ELMO1: variants seen among roughly 807,000 people sequenced by gnomAD.
The protein encoded by ELMO1 is engulfment and cell motility 1.
Under a neutral mutation model 98.9 loss-of-function variants are expected in ELMO1, and 26 were observed. That is an observed-to-expected ratio of 0.26 (90% CI 0.19 to 0.36). ELMO1 has a LOEUF of 0.36. Ranked by LOEUF, ELMO1 falls within the 10% of genes least tolerant of loss-of-function variation. The probability of loss-of-function intolerance (pLI) is 1.00; values close to 1 mark genes in which losing one functional copy is unlikely to be tolerated. For synonymous variants in ELMO1, 346 were observed against 346.0 expected (o/e 1.00, Z 0.00); for missense variants, 627 against 935.2 (o/e 0.67, Z 4.30).
At chr7:37,103,933 C>T (rs1384509141) in intron 14 of ELMO1, among the ~76,000 whole-genome samples, 1 of 143,604 alleles carries the variant, frequency 7.0e-6, no homozygotes, top group East Asian at 2.1e-4. Context: ...ATGGCATGAA[C>T]CCGCGAGGCG....
chr7:36,955,295 T>C (rs1788351955), intron 16 of ELMO1, among the ~76,000 whole-genome samples: 1 of 152,220 alleles, frequency 6.6e-6, no homozygotes, highest in Non-Finnish European at 1.5e-5. Flanking sequence ...GCTGCTTCTT[T>C]TTCTACCCTA....
chr7:37,113,743 T>G (rs1390708586), intron 14 of ELMO1, among the ~76,000 whole-genome samples: 1 of 152,172 alleles, frequency 6.6e-6, no homozygotes, highest in Admixed American at 6.5e-5. Context: ...TAAAATCAAA[T>G]GAGGCCATTA....
chr7:36,943,643 G>A (rs1332761486), intron 16 of ELMO1, among the ~76,000 whole-genome samples: 1 of 152,152 alleles, frequency 6.6e-6, no homozygotes, highest in Non-Finnish European at 1.5e-5. Context: ...TTAATGCTTC[G>A]AATAAGTGAA....
intron 2 of ELMO1, among the ~76,000 whole-genome samples, chr7:37,321,502 G>A (rs984861574): frequency 5.3e-5 from 8 of 151,960 alleles, no homozygotes; most frequent in Non-Finnish European, 1.0e-4. Flanking sequence ...CAGATCATGA[G>A]GTCAGGAGAT....
intron 13 of ELMO1, among the ~76,000 whole-genome samples, chr7:37,166,196 A>AT (rs1422099444): frequency 7.9e-5 from 12 of 152,088 alleles, no homozygotes; most frequent in Non-Finnish European, 1.5e-4. Flanking sequence ...CCCCTTTATC[A>AT]TTTTTTATTG....
chr7:37,402,413 G>A (rs1200667108), intron 1 of ELMO1, among the ~76,000 whole-genome samples: 1 of 152,140 alleles, frequency 6.6e-6, no homozygotes, highest in African/African-American at 2.4e-5. Flanking sequence ...GTGGGGTAAA[G>A]GGGTGTTCAC....
chr7:37,085,622 T>C (rs1305205072), intron 15 of ELMO1, among the ~76,000 whole-genome samples: 1 of 152,116 alleles, frequency 6.6e-6, no homozygotes, highest in African/African-American at 2.4e-5. Context: ...CAAGAAATGC[T>C]GAGAACAGTG....
chr7:37,248,768 G>A (rs1409947951), intron 6 of ELMO1, among the ~76,000 whole-genome samples: 1 of 152,372 alleles, frequency 6.6e-6, no homozygotes, highest in South Asian at 2.1e-4. Flanking sequence ...GCAGCAAGTA[G>A]ATGAATCGCT....
chr7:37,353,161 C>T (rs549275778), intron 1 of ELMO1: 1 of 152,228 alleles, frequency 6.6e-6, no homozygotes, highest in African/African-American at 2.4e-5. Context: ...TTGAGACCAA[C>T]GTTTGCTATC....
intron 1 of ELMO1, among the ~76,000 whole-genome samples, chr7:37,411,776 A>G (rs1804004273): frequency 6.6e-6 from 1 of 152,226 alleles, no homozygotes; most frequent in Non-Finnish European, 1.5e-5. Context: ...CACTTAATTC[A>G]GAAGCATCAC....
intron 11 of ELMO1, 126 bp downstream of exon 11, chr7:37,216,519 G>A: frequency 1.8e-6 from 2 of 1,093,370 alleles, no homozygotes; most frequent in Non-Finnish European, 2.7e-6. Context: ...CTTCATTAGA[G>A]TTCCTACTGC....
intron 4 of ELMO1, among the ~76,000 whole-genome samples, chr7:37,279,319 G>T (rs1797017733): frequency 6.6e-6 from 1 of 152,188 alleles, no homozygotes; most frequent in African/African-American, 2.4e-5. Flanking sequence ...AATGGGAAGG[G>T]GATCATCATG....
chr7:37,298,951 C>A (rs1798212456), intron 4 of ELMO1, among the ~76,000 whole-genome samples: 1 of 35,368 alleles, frequency 2.8e-5, no homozygotes, highest in African/African-American at 1.0e-4. Context: ...TTCTCCACAT[C>A]CTCTCCAGCA....
intron 1 of ELMO1, among the ~76,000 whole-genome samples, chr7:37,392,615 GC>G (rs1049924145): frequency 1.3e-5 from 2 of 152,186 alleles, no homozygotes; most frequent in African/African-American, 4.8e-5. Flanking sequence ...CAGGTGTGAG[GC>G]CTCCCTATAG....
chr7:36,972,785 T>C (rs577336172), intron 16 of ELMO1, among the ~76,000 whole-genome samples: 26 of 152,282 alleles, frequency 1.7e-4, no homozygotes, highest in South Asian at 6.2e-4. Context: ...TCTATATCTA[T>C]AGTTTTTTGA....
chr7:37,342,879 G>T lies in ELMO1; in HGVS notation c.-73-116C>A, dbSNP rs73112678. On this transcript the variant is annotated intron_variant, in intron 1 of 21. Transcript: ENST00000310758. This position sits in a 1 kb window ranked among gnomAD's most constrained non-coding sequence, Gnocchi z 4.3. ...TTTGGTATGAAAAACGGCTCCCCTT[G>T]GTGCCTGGGTGCTGAAGGTGCAGGG... 5.1e-5 allele frequency: 28 copies of T among 549,602 alleles called. No homozygotes were observed. Among genetic ancestry groups the T allele is most frequent in the Admixed American group, 2.2e-4 (6 of 27,510 alleles). The allele number at this position is 549,602 out of a possible 1,614,324, so 34.0% of individuals were successfully genotyped here.
chr7:37,119,949 AT>A (rs1182044612), intron 14 of ELMO1, among the ~76,000 whole-genome samples: 1 of 152,206 alleles, frequency 6.6e-6, no homozygotes, highest in Non-Finnish European at 1.5e-5. Flanking sequence ...TAATTATGTG[AT>A]TTTTTGGGTA....
intron 2 of ELMO1, among the ~76,000 whole-genome samples, chr7:37,324,216 G>A (rs1367514216): frequency 2.0e-5 from 3 of 152,182 alleles, no homozygotes; most frequent in Non-Finnish European, 2.9e-5. Flanking sequence ...AAGCCCAAAT[G>A]CTCACCTTGG....
intron 15 of ELMO1, among the ~76,000 whole-genome samples, chr7:37,033,872 G>A (rs1021411090): frequency 6.6e-6 from 1 of 152,154 alleles, no homozygotes; most frequent in Non-Finnish European, 1.5e-5. Context: ...GCGGAATAAA[G>A]ACAACAGAAG....
Sources: allele counts gnomAD v4.1 joint callset (sites outside exome capture counted in the v4.1 genomes callset), GRCh38; gene constraint gnomAD v4.1.1; non-coding constraint Gnocchi (gnomAD v3.1); transcripts MANE v1.5; gene names NCBI Gene and HGNC (gene_info 2026-07-23, HGNC 2026-07-21).